Variants in ABL2 observed in about 807,000 individuals in gnomAD.
The protein encoded by ABL2 is tyrosine-protein kinase ABL2.
A neutral mutation model predicts 107.7 loss-of-function variants in ABL2; 49 were observed. The observed-to-expected ratio is 0.45, with a 90% CI of 0.36 to 0.58. The LOEUF (loss-of-function observed/expected upper bound fraction) is 0.58. ABL2 is among the 20% of genes least tolerant of loss of function. The pLI is 0.00. For missense variants in ABL2, 1,245 were observed against 1,457.0 expected, an observed-to-expected ratio of 0.85 and a Z score of 2.37; for synonymous variants, 549 against 548.6, an observed-to-expected ratio of 1.00 and a Z score of -0.01.
chr1:179,107,691 T>A lies in ABL2; in HGVS notation c.*27A>T. On this transcript the variant is annotated 3_prime_UTR_variant, in exon 12 of 12. Transcript: ENST00000502732. ...TTTTCCCTCTCCCCTCAGAAATGTG[T>A]GCATTTTCCCACCAGGCTAACAGTG... 6.4e-7 allele frequency: 1 copy of A among 1,564,484 alleles called. No individual in the cohort carries two copies. Among genetic ancestry groups the A allele is most frequent in the Non-Finnish European group, 8.7e-7 (1 of 1,154,292 alleles).
chr1:179,135,186 C>T (rs901160275), intron 1 of ABL2, among the ~76,000 whole-genome samples: 20 of 151,258 alleles, frequency 1.3e-4, no homozygotes, highest in African/African-American at 4.9e-4. Flanking sequence ...TCCGCCTGGC[C>T]GCCCATCGTC....
chr1:179,123,877 C>T (rs1232240599), intron 4 of ABL2, among the ~76,000 whole-genome samples: 2 of 152,144 alleles, frequency 1.3e-5, no homozygotes, highest in Non-Finnish European at 2.9e-5. Flanking sequence ...GTGATCTACC[C>T]TCCTTGGCCT....
At chr1:179,166,885 T>C (rs1159342739) in intron 1 of ABL2, among the ~76,000 whole-genome samples, 1 of 152,014 alleles carries the variant, frequency 6.6e-6, no homozygotes, top group Non-Finnish European at 1.5e-5. Flanking sequence ...TGGCTGCTAT[T>C]AAAAAGACAA....
At chr1:179,132,550 ATTT>A (rs1472982925) in intron 2 of ABL2, among the ~76,000 whole-genome samples, 2 of 151,564 alleles carry the variant, frequency 1.3e-5, no homozygotes, top group East Asian at 3.9e-4. Context: ...TATCATTATT[ATTT>A]TGAGATGGAG....
chr1:179,135,384 C>A (rs907457292), intron 1 of ABL2, among the ~76,000 whole-genome samples: 2 of 151,784 alleles, frequency 1.3e-5, no homozygotes, highest in African/African-American at 4.8e-5. Context: ...TGCCCTGCCA[C>A]CCCGTCCGGG....
At position 179,229,286 on chromosome 1, in the gene ABL2, C is replaced by A. The variant is rs778308312; in HGVS notation, c.112G>T (p.Ala38Ser). 5 of 1,571,836 alleles carry A rather than the reference C, an allele frequency of 3.2e-6. No homozygotes were observed. The Admixed American group carries it at 7.4e-5, about 23-fold the overall frequency. The stretch of plus-strand genomic sequence containing the variant: ...AAGCCGGTCTCTGTGGTGCGCCCCG[C>A]CGGGTCCCGCCTGCGGCCGGAGGGC... ...ARPSGRRRDP[A>S]GRTTETGFNI... The change falls in exon 1 of 12, where the codon GCG (alanine) becomes TCG (serine). Residue 38 changes from alanine (A) to serine (S), a missense_variant. Around this residue, in one of 3 missense-constraint regions of ABL2, gnomAD observed 164 missense variants for 143.7 expected, o/e 1.14. Transcript: ENST00000502732.
chr1:179,188,452 CAGG>C (rs774633259), intron 1 of ABL2, among the ~76,000 whole-genome samples: 1 of 151,976 alleles, frequency 6.6e-6, no homozygotes, highest in Non-Finnish European at 1.5e-5. Flanking sequence ...GGGGCTGAGG[CAGG>C]AGAATTGTTT....
chr1:179,169,318 G>T lies in ABL2; in HGVS notation c.158-35944C>A, dbSNP rs921495917. 3.3e-5 allele frequency among the ~76,000 whole-genome samples: 5 copies of T among 152,096 alleles called. No individual in the cohort carries two copies. In the East Asian group the frequency reaches 7.7e-4, roughly 24 times the overall value. ...AATGCCAGCACTTTGGGAGGCCGAG[G>T]CGGGCAGATCACAAGGTCAGGAGAT... On this transcript the variant is annotated intron_variant, in intron 1 of 11. Transcript: ENST00000502732.
rs1653393175 is a variant in ABL2, at chr1:179,105,247, TACACTC to T, written c.*2465_*2470del. ...GGGCAAGAAAACCAGGGAGCCTAAATACACTCAGTAGTGTTTCTCCAAGGCTTAGTT... is the reference window on the plus strand; with the variant it reads ...GGGCAAGAAAACCAGGGAGCCTAAATAGTAGTGTTTCTCCAAGGCTTAGTT... On this transcript the variant is annotated 3_prime_UTR_variant, in exon 12 of 12. Coordinates refer to ENST00000502732, the MANE Select transcript of ABL2 (RefSeq NM_007314.4). The T allele has an allele frequency of 1.3e-5, 3 of 230,854 alleles. No individual in the cohort carries two copies. The highest frequency in any genetic ancestry group is 2.6e-5 in the Non-Finnish European group (3 of 116,682). The allele number at this position is 230,854 out of a possible 1,614,324, so 14.3% of individuals were successfully genotyped here. A position where few individuals can be genotyped will look rare whatever the true frequency, so the allele number is the denominator to read the frequency against.
chr1:179,130,842 T>C (rs1470066459), intron 3 of ABL2, among the ~76,000 whole-genome samples: 1 of 152,052 alleles, frequency 6.6e-6, no homozygotes, highest in Non-Finnish European at 1.5e-5. Flanking sequence ...ATTATCCTTG[T>C]GTACATGAAC....
chr1:179,211,369 T>A lies in ABL2; in HGVS notation c.157+17872A>T, dbSNP rs945991717. On this transcript the variant is annotated intron_variant, in intron 1 of 11. Coordinates refer to ENST00000502732, the MANE Select transcript of ABL2 (RefSeq NM_007314.4). The stretch of plus-strand genomic sequence containing the variant: ...GTAATCCCTAAAAAAATTTTTTTTT[T>A]AATTTAACCAGGTGGGGTGGTATGT... Among the ~76,000 whole-genome samples, 7 of 151,892 alleles carry A rather than the reference T, an allele frequency of 4.6e-5. No individual in the cohort carries two copies. The East Asian group carries it at 5.8e-4, about 13-fold the overall frequency.
In ABL2 at chr1:179,110,336, T is replaced by C. The variant is rs1240519966; in HGVS notation, c.1771A>G (p.Asn591Asp). 2 of 1,614,204 alleles carry C rather than the reference T, an allele frequency of 1.2e-6. No individual in the cohort carries two copies. Among genetic ancestry groups the C allele is most frequent in the Non-Finnish European group, 1.7e-6 (2 of 1,180,042 alleles). Residue 591 changes from asparagine (N) to aspartate (D), a missense_variant, in exon 11 of 12, where the codon AAC becomes GAC. By Grantham distance (23) the Asn-to-Asp change is conservative. Around this residue, in one of 3 missense-constraint regions of ABL2, gnomAD observed 761 missense variants for 766.4 expected, o/e 0.99. Transcript: ENST00000502732. ...GTGGCATCTTGTGCCCCTTCAATGT[T>C]CTCCTTGTTCTCCACCTGTTTCTTC... The part of the protein sequence containing the change: ...TLKKQVENKE[N>D]IEGAQDATEN...
intron 1 of ABL2, chr1:179,202,037 T>C (rs1197307951): frequency 2.9e-5 from 14 of 479,762 alleles, no homozygotes; most frequent in Non-Finnish European, 3.8e-5. Flanking sequence ...CATTTTTTTT[T>C]CTTTGAATAA....
In ABL2 at chr1:179,117,431, C is replaced by G; in HGVS notation, c.1309G>C (p.Asp437His). 6.2e-7 allele frequency: 1 copy of G among 1,614,196 alleles called. No individual in the cohort carries two copies. Among genetic ancestry groups the G allele is most frequent in the Non-Finnish European group, 8.5e-7 (1 of 1,180,034 alleles). Reference sequence around the variant, plus strand: ...GCTCCAGCATGAGCAGTATAAGTGTCTCCAGTCATCAATCTACTTAAGCCA... The same window carrying G: ...GCTCCAGCATGAGCAGTATAAGTGTGTCCAGTCATCAATCTACTTAAGCCA... ...DFGLSRLMTG[D>H]TYTAHAGAKF... The change falls in exon 8 of 12, where the codon GAC (aspartate) becomes CAC (histidine). Residue 437 changes from aspartate (D) to histidine (H), a missense_variant. Asp to His is a moderately conservative substitution (Grantham distance 81). Around this residue, in one of 3 missense-constraint regions of ABL2, gnomAD observed 320 missense variants for 547.0 expected, o/e 0.59. Transcript: ENST00000502732.
intron 3 of ABL2, among the ~76,000 whole-genome samples, chr1:179,127,893 T>G (rs1416411288): frequency 1.3e-5 from 2 of 151,620 alleles, no homozygotes; most frequent in Admixed American, 1.3e-4. Context: ...ATTAGCCGGG[T>G]GTGATAGTCT....
rs777716510 is a variant in ABL2, at chr1:179,108,397, T to C, written c.2870A>G (p.Lys957Arg). 1 of 1,614,118 alleles carries C rather than the reference T, an allele frequency of 6.2e-7. No individual in the cohort carries two copies. Among genetic ancestry groups the C allele is most frequent in the Admixed American group, 1.7e-5 (1 of 60,002 alleles). Residue 957 changes from lysine (K) to arginine (R), a missense_variant, in exon 12 of 12, where the codon AAA becomes AGA. Lys to Arg is a conservative substitution (Grantham distance 26, BLOSUM62 2). Coordinates refer to ENST00000502732, the MANE Select transcript of ABL2 (RefSeq NM_007314.4). Reference sequence around the variant, plus strand: ...CTGATGCTCAGATAAGAGCTTGAATTTATTCCCCTGAGAGTCTGTGCCAAT... The same window carrying C: ...CTGATGCTCAGATAAGAGCTTGAATCTATTCCCCTGAGAGTCTGTGCCAAT... ...QLIGTDSQGN[K>R]FKLLSEHQVT... is the part of the protein sequence containing the mutation.
intron 1 of ABL2, among the ~76,000 whole-genome samples, chr1:179,218,934 A>C (rs1662726922): frequency 6.6e-6 from 1 of 152,244 alleles, no homozygotes; most frequent in Non-Finnish European, 1.5e-5. Context: ...CGTCCAGAAG[A>C]CATCTGTTAA....
intron 1 of ABL2, among the ~76,000 whole-genome samples, chr1:179,175,467 C>G (rs1206270906): frequency 6.6e-6 from 1 of 152,202 alleles, no homozygotes; most frequent in Non-Finnish European, 1.5e-5. Flanking sequence ...GACCAGACTT[C>G]CATTGCCAAG....
intron 1 of ABL2, chr1:179,142,896 A>T: frequency 1.9e-6 from 3 of 1,605,380 alleles, no homozygotes; most frequent in Non-Finnish European, 2.5e-6. Context: ...TAATGTGGTT[A>T]TCAAGCCTCC....
Sources: gnomAD v4.1 joint callset for allele counts (sites outside exome capture counted in the v4.1 genomes callset) on GRCh38, gnomAD v4.1.1 for gene constraint, gnomAD v4.1.1 regional missense constraint, MANE v1.5 for transcripts, NCBI Gene and HGNC (gene_info 2026-07-23, HGNC 2026-07-21) for gene names.